Variants in PTPN3 observed in about 807,000 individuals in gnomAD.
PTPN3 encodes the protein tyrosine-protein phosphatase non-receptor type 3.
Under a neutral mutation model 132.7 loss-of-function variants are expected in PTPN3, and 96 were observed. That is an observed-to-expected ratio of 0.72 (90% CI 0.61 to 0.86). PTPN3 has a LOEUF of 0.86. PTPN3 is among the 40% of genes least tolerant of loss of function. PTPN3 has a pLI of 0.00. For missense variants in PTPN3, 1,125 were observed against 1,159.6 expected (o/e 0.97, Z 0.43); for synonymous variants, 398 against 429.0 (o/e 0.93, Z 0.89).
At chr9:109,521,522 C>G in the PTPN3 span, among the ~76,000 whole-genome samples, 1 of 152,202 alleles carries the variant, frequency 6.6e-6, no homozygotes, top group Non-Finnish European at 1.5e-5. Flanking sequence ...ACATGTCCCA[C>G]TTCCTTTGCC....
chr9:109,526,215 A>G, the PTPN3 span, among the ~76,000 whole-genome samples: 1 of 152,100 alleles, frequency 6.6e-6, no homozygotes, highest in Admixed American at 6.5e-5. Flanking sequence ...GAAAGTAAAG[A>G]AGACTAAAAT....
intron 7 of PTPN3, 135 bp from the exon 8 acceptor site, chr9:109,438,369 A>T: frequency 1.1e-6 from 1 of 937,620 alleles, no homozygotes; most frequent in Non-Finnish European, 1.5e-6. Flanking sequence ...CACCACATGA[A>T]CTGAAGCTTC....
chr9:109,517,450 C>A, the PTPN3 span, among the ~76,000 whole-genome samples: 2 of 152,146 alleles, frequency 1.3e-5, no homozygotes, highest in Non-Finnish European at 2.9e-5. Context: ...TTCCAGAGAT[C>A]CTCTAACGGT....
intron 14 of PTPN3, among the ~76,000 whole-genome samples, 155 bp downstream of exon 14, chr9:109,420,269 G>C (rs1202587922): frequency 6.6e-6 from 1 of 152,204 alleles, no homozygotes; most frequent in African/African-American, 2.4e-5. Flanking sequence ...AAAAGGTAGA[G>C]TCTGATTTAT....
chr9:109,487,045 A>G (rs1304620052), intron 1 of PTPN3, among the ~76,000 whole-genome samples: 5 of 152,176 alleles, frequency 3.3e-5, no homozygotes, highest in Admixed American at 3.3e-4. Flanking sequence ...TGTCTTTATT[A>G]GCAGCGTGAG....
At chr9:109,510,599 A>ATATATATATATATATATATATATT in the PTPN3 span, among the ~76,000 whole-genome samples, 154 of 82,394 alleles carry the variant, frequency 1.9e-3, no homozygotes, top group Non-Finnish European at 2.8e-3. Flanking sequence ...ATATATATAT[A>ATATATATATATATATATATATATT]TATATATATG....
At chr9:109,490,059 T>G (rs1847387518) in intron 1 of PTPN3, among the ~76,000 whole-genome samples, 1 of 152,014 alleles carries the variant, frequency 6.6e-6, no homozygotes, top group African/African-American at 2.4e-5. Flanking sequence ...CGTGGACACC[T>G]GTAATCTCAG....
At chr9:109,382,772 C>G (rs1223289565) in intron 23 of PTPN3, among the ~76,000 whole-genome samples, 1 of 139,198 alleles carries the variant, frequency 7.2e-6, no homozygotes, top group South Asian at 2.3e-4. Context: ...TTTTTTTCAA[C>G]TGTGGCAAAA....
At chr9:109,503,515 G>A in the PTPN3 span, among the ~76,000 whole-genome samples, 1 of 152,086 alleles carries the variant, frequency 6.6e-6, no homozygotes, top group Non-Finnish European at 1.5e-5. Flanking sequence ...GAACAGCCTG[G>A]ACAGCATAGT....
intron 1 of PTPN3, among the ~76,000 whole-genome samples, chr9:109,497,987 G>C (rs1451625928): frequency 7.0e-6 from 1 of 142,556 alleles, no homozygotes; most frequent in African/African-American, 2.6e-5. Context: ...AGCCCCACCC[G>C]GCGCCCCGCC....
intron 16 of PTPN3, among the ~76,000 whole-genome samples, chr9:109,408,643 G>A (rs1841770964): frequency 6.6e-6 from 1 of 151,888 alleles, no homozygotes; most frequent in Non-Finnish European, 1.5e-5. Flanking sequence ...CACAGTCCAT[G>A]AACTAACAGA....
chr9:109,528,203 A>T, the PTPN3 span, among the ~76,000 whole-genome samples: 81,026 of 152,066 alleles, frequency 0.53, 22,717 homozygotes, highest in East Asian at 0.85. Flanking sequence ...TTAGCAAAAG[A>T]AATCTTATGT....
At chr9:109,431,239 C>G (rs1365801330) in intron 10 of PTPN3, among the ~76,000 whole-genome samples, 2 of 152,214 alleles carry the variant, frequency 1.3e-5, no homozygotes, top group Non-Finnish European at 2.9e-5. Context: ...ACCTGCTTCT[C>G]CTGACCAAGT....
In PTPN3 at chr9:109,391,416, A is replaced by T. The variant is rs1221111955; in HGVS notation, c.2044+55T>A. Reference sequence around the variant, plus strand: ...GAATACCAGACAATCTGTTTTAAAAAGGGAAACATTATCTCAGTGTAGGGG... The same window carrying T: ...GAATACCAGACAATCTGTTTTAAAATGGGAAACATTATCTCAGTGTAGGGG... On this transcript the variant is annotated intron_variant, in intron 20 of 25. Coordinates refer to ENST00000374541, the MANE Select transcript of PTPN3 (RefSeq NM_002829.4). The T allele has an allele frequency of 3.3e-6, 5 of 1,525,662 alleles. No homozygotes were observed. In the African/African-American group the frequency reaches 4.1e-5, roughly 13 times the overall value. The allele number at this position is 1,525,662 out of a possible 1,614,324, so 94.5% of individuals were successfully genotyped here.
chr9:109,406,210 CAT>C (rs1841550038), intron 18 of PTPN3, among the ~76,000 whole-genome samples: 1 of 152,174 alleles, frequency 6.6e-6, no homozygotes, highest in Non-Finnish European at 1.5e-5. Flanking sequence ...GCTGGGGGCT[CAT>C]GTCCTGTATA....
chr9:109,430,715 T>C (rs1843603456), intron 10 of PTPN3, among the ~76,000 whole-genome samples: 1 of 152,210 alleles, frequency 6.6e-6, no homozygotes. Flanking sequence ...CTGTGAGCAC[T>C]GCATGCAGGA....
chr9:109,436,438 C>T (rs1844057481), intron 9 of PTPN3, among the ~76,000 whole-genome samples: 1 of 152,134 alleles, frequency 6.6e-6, no homozygotes, highest in African/African-American at 2.4e-5. Flanking sequence ...CAACTAATTT[C>T]AAATATTTAT....
chr9:109,464,090 C>T (rs1457328344), intron 1 of PTPN3, among the ~76,000 whole-genome samples: 3 of 152,202 alleles, frequency 2.0e-5, no homozygotes, highest in Non-Finnish European at 4.4e-5. Flanking sequence ...AATAGTACCA[C>T]ACACCCACCA....
intron 23 of PTPN3, among the ~76,000 whole-genome samples, chr9:109,382,934 T>A (rs1435713875): frequency 6.6e-6 from 1 of 152,164 alleles, no homozygotes; most frequent in East Asian, 1.9e-4. Context: ...CATTATGCCA[T>A]ATGGCAAAAT....
Sources: gnomAD v4.1 joint callset for allele counts (sites outside exome capture counted in the v4.1 genomes callset) on GRCh38, gnomAD v4.1.1 for gene constraint, MANE v1.5 for transcripts, NCBI Gene and HGNC (gene_info 2026-07-23, HGNC 2026-07-21) for gene names.